CPLX2: variants seen among roughly 807,000 people sequenced by gnomAD.
The protein encoded by CPLX2 is complexin 2.
In CPLX2, 5 loss-of-function variants were observed where a neutral mutation model predicts 16.3. That is an observed-to-expected ratio of 0.31 (90% CI 0.16 to 0.64). CPLX2 has a LOEUF of 0.64. Among genes scored for constraint, CPLX2 ranks in the 30% least tolerant of loss-of-function variants. The pLI is 0.79. For missense variants in CPLX2, 144 were observed against 181.4 expected (o/e 0.79, Z 1.18); for synonymous variants, 89 against 73.2 (o/e 1.22, Z -1.10).
At position 175,803,494 on chromosome 5, in the gene CPLX2, A is replaced by G. The variant is rs182033446; in HGVS notation, c.-168-5495A>G. 2.2e-3 allele frequency among the ~76,000 whole-genome samples: 338 copies of G among 152,376 alleles called. 3 individuals carry two copies. Among genetic ancestry groups the G allele is most frequent in the African/African-American group, 7.8e-3 (325 of 41,590 alleles). On this transcript the variant is annotated intron_variant, in intron 1 of 4. Coordinates refer to the CPLX2 transcript ENST00000359546. ...CATTGGGACTGGCATCTGAATGAGA[A>G]GCTGCCTATGGGACAAGCGTGGAGG...
At chr5:175,878,594 TCCCC>T (rs1755470419) in intron 1 of CPLX2, 54 bp from the exon 2 acceptor site, 1 of 881,412 alleles carries the variant, frequency 1.1e-6, no homozygotes, top group African/African-American at 1.7e-5. Context: ...TCTGCCTAGC[TCCCC>T]CGCCCTGCCT....
Position 175,819,837 on chromosome 5 carries a change from G to A in CPLX2, c.-89+10769G>A, listed in dbSNP as rs147609535. On this transcript the variant is annotated intron_variant, in intron 2 of 4. Transcript: ENST00000359546. ...TGCCCAAGGTCTCACAGAGGGTGCG[G>A]AGAGGACAGCTGGGATGTTCTCAGC... 2.2e-4 allele frequency among the ~76,000 whole-genome samples: 34 copies of A among 152,372 alleles called. 1 individual carries two copies. The highest frequency in any genetic ancestry group is 7.0e-4 in the African/African-American group (29 of 41,588).
chr5:175,815,084 G>C (rs1282202498), intron 2 of CPLX2, among the ~76,000 whole-genome samples: 2 of 152,146 alleles, frequency 1.3e-5, no homozygotes, highest in African/African-American at 4.8e-5. Flanking sequence ...GGAGTACGAG[G>C]CACTGTGGTC....
chr5:175,861,271 T>C (rs1759366634), intron 2 of CPLX2, among the ~76,000 whole-genome samples: 1 of 152,174 alleles, frequency 6.6e-6, no homozygotes, highest in African/African-American at 2.4e-5. Context: ...GAGCAAGGCA[T>C]GCACTTGCTC....
At chr5:175,854,507 A>G (rs1026961039) in intron 2 of CPLX2, among the ~76,000 whole-genome samples, 28 of 152,238 alleles carry the variant, frequency 1.8e-4, no homozygotes, top group African/African-American at 6.5e-4. Context: ...AGTACAATTG[A>G]TGTAAGGATG....
chr5:175,838,354 A>G (rs1010377879), intron 2 of CPLX2, among the ~76,000 whole-genome samples: 4 of 136,342 alleles, frequency 2.9e-5, no homozygotes, highest in Non-Finnish European at 6.1e-5. Context: ...TGCAAGCTCC[A>G]CCTCCTGGGT....
intron 2 of CPLX2, among the ~76,000 whole-genome samples, chr5:175,817,797 T>C (rs1758435747): frequency 6.6e-6 from 1 of 152,136 alleles, no homozygotes; most frequent in South Asian, 2.1e-4. Flanking sequence ...TGTGTATCCA[T>C]TTCTGGTTCA....
intron 2 of CPLX2, among the ~76,000 whole-genome samples, chr5:175,816,391 C>T (rs1350821534): frequency 6.6e-6 from 1 of 152,152 alleles, no homozygotes; most frequent in African/African-American, 2.4e-5. Context: ...TGGTCTTGAT[C>T]TCCTGACCTT....
chr5:175,799,576 A>ATTTATATATAT, intron 1 of CPLX2, among the ~76,000 whole-genome samples: 1 of 142,508 alleles, frequency 7.0e-6, no homozygotes, highest in South Asian at 2.2e-4. Flanking sequence ...ATATATATAT[A>ATTTATATATAT]GTAATCACAG....
chr5:175,880,745 G>C lies in CPLX2; in HGVS notation c.*700G>C, dbSNP rs766329322. 6 of 153,006 alleles carry C rather than the reference G, an allele frequency of 3.9e-5. No individual in the cohort carries two copies. Among genetic ancestry groups the C allele is most frequent in the African/African-American group, 1.4e-4 (6 of 41,396 alleles). The allele number at this position is 153,006 out of a possible 1,614,324, so 9.5% of individuals were successfully genotyped here. ...GGAACCCCAGGTAGGGACGCCCCTT[G>C]TTCCTCACCCCCACCCCACTTAGGT... On this transcript the variant is annotated 3_prime_UTR_variant, in exon 4 of 4. Coordinates refer to ENST00000393745, the MANE Select transcript of CPLX2 (RefSeq NM_001008220.2).
chr5:175,814,221 G>A (rs537681967), intron 2 of CPLX2, among the ~76,000 whole-genome samples: 6 of 152,326 alleles, frequency 3.9e-5, no homozygotes, highest in South Asian at 4.1e-4. Context: ...CACAGCCTCC[G>A]GGGCAGTCCT....
intron 2 of CPLX2, among the ~76,000 whole-genome samples, chr5:175,819,457 G>C (rs1758468652): frequency 6.6e-6 from 1 of 152,194 alleles, no homozygotes; most frequent in Non-Finnish European, 1.5e-5. Context: ...GATGTGGAGT[G>C]GTGCCGTTGG....
chr5:175,883,379 C>T lies in CPLX2; in HGVS notation c.*3334C>T, dbSNP rs1177111473. ...ACTCCTCCAGATGGAATCAGGAAGTCGAGACACCATCCCAGGTGTGTGTAA... is the reference window on the plus strand; with the variant it reads ...ACTCCTCCAGATGGAATCAGGAAGTTGAGACACCATCCCAGGTGTGTGTAA... On this transcript the variant is annotated 3_prime_UTR_variant, in exon 4 of 4. Coordinates refer to ENST00000393745, the MANE Select transcript of CPLX2 (RefSeq NM_001008220.2). 1.3e-5 allele frequency: 2 copies of T among 152,144 alleles called. No homozygotes were observed. Among genetic ancestry groups the T allele is most frequent in the Admixed American group, 1.3e-4 (2 of 15,264 alleles). 9.4% of individuals were successfully genotyped at this position (152,144 alleles called of 1,614,324 possible). A position where few individuals can be genotyped will look rare whatever the true frequency, so the allele number is the denominator to read the frequency against.
In CPLX2 at chr5:175,809,981, C is replaced by T. The variant is rs1758282584; in HGVS notation, c.-89+913C>T. Among the ~76,000 whole-genome samples, 2 of 152,158 alleles carry T rather than the reference C, an allele frequency of 1.3e-5. No homozygotes were observed. Among genetic ancestry groups the T allele is most frequent in the Admixed American group, 6.5e-5 (1 of 15,268 alleles). On this transcript the variant is annotated intron_variant, in intron 2 of 4. Coordinates refer to the CPLX2 transcript ENST00000359546. This position sits in a 1 kb window ranked among gnomAD's most constrained non-coding sequence, Gnocchi z 4.4. Reference sequence around the variant, plus strand: ...ATCCAGATGGGAGCTATTTATGATGCTGAGTCATTCGCAGAGAATGCCACT... The same window carrying T: ...ATCCAGATGGGAGCTATTTATGATGTTGAGTCATTCGCAGAGAATGCCACT...
At chr5:175,797,764 G>T (rs939693520) in intron 1 of CPLX2, among the ~76,000 whole-genome samples, 1 of 152,220 alleles carries the variant, frequency 6.6e-6, no homozygotes, top group African/African-American at 2.4e-5. Flanking sequence ...AGGCAGGGGG[G>T]AGGGGGCGAC....
intron 2 of CPLX2, among the ~76,000 whole-genome samples, chr5:175,816,462 A>G (rs979773391): frequency 6.6e-6 from 1 of 152,228 alleles, no homozygotes; most frequent in South Asian, 2.1e-4. Flanking sequence ...CACCGCACCC[A>G]GCCAACAGTC....
chr5:175,799,576 A>ATATATATTTATATATATATAT (rs1758054785), intron 1 of CPLX2, among the ~76,000 whole-genome samples: 1 of 142,504 alleles, frequency 7.0e-6, no homozygotes, highest in African/African-American at 2.6e-5. Flanking sequence ...ATATATATAT[A>ATATATATTTATATATATATAT]GTAATCACAG....
upstream of CPLX2, among the ~76,000 whole-genome samples, chr5:175,868,958 T>C (rs1333665972): frequency 6.6e-6 from 1 of 152,130 alleles, no homozygotes; most frequent in Middle Eastern, 3.2e-3. Context: ...GTAAATTAAA[T>C]GAGAAAATGT....
intron 2 of CPLX2, among the ~76,000 whole-genome samples, chr5:175,859,575 T>C (rs1759324101): frequency 6.6e-6 from 1 of 152,218 alleles, no homozygotes; most frequent in Non-Finnish European, 1.5e-5. Flanking sequence ...CAGGAACAGA[T>C]GGCACCTGCC....
Sources: allele counts gnomAD v4.1 joint callset (sites outside exome capture counted in the v4.1 genomes callset), GRCh38; gene constraint gnomAD v4.1.1; non-coding constraint Gnocchi (gnomAD v3.1); transcripts MANE v1.5; gene names NCBI Gene and HGNC (gene_info 2026-07-23, HGNC 2026-07-21).